GPR89B: variants seen among roughly 807,000 people sequenced by gnomAD.
The protein encoded by GPR89B is golgi pH regulator B.
Under a neutral mutation model 52.4 loss-of-function variants are expected in GPR89B, and 25 were observed. That is an observed-to-expected ratio of 0.48 (90% CI 0.35 to 0.67). The LOEUF (loss-of-function observed/expected upper bound fraction) is 0.67. GPR89B is among the 30% of genes least tolerant of loss of function. GPR89B has a pLI of 0.01. For synonymous variants in GPR89B, 52 were observed against 151.2 expected (o/e 0.34, Z 4.81); for missense variants, 146 against 450.2 (o/e 0.32, Z 6.11).
At chr1:147,977,363 C>CCTTTCTG (rs1331216715) in intron 10 of GPR89B, among the ~76,000 whole-genome samples, 2 of 150,348 alleles carry the variant, frequency 1.3e-5, no homozygotes, top group African/African-American at 4.9e-5. Context: ...GGTGACCTGT[C>CCTTTCTG]CTTTCTGGCT....
At chr1:147,978,093 G>A (rs1383830897) in intron 10 of GPR89B, among the ~76,000 whole-genome samples, 6 of 150,752 alleles carry the variant, frequency 4.0e-5, no homozygotes, top group South Asian at 2.1e-4. Context: ...AGTTGTCACC[G>A]TTTTTGTGTT....
intron 5 of GPR89B, among the ~76,000 whole-genome samples, chr1:147,951,963 T>C (rs1322342203): frequency 6.6e-6 from 1 of 152,064 alleles, no homozygotes; most frequent in African/African-American, 2.4e-5. Context: ...TTGGAAAATG[T>C]TGAATTTTGC....
chr1:147,978,329 T>C (rs1657990661), intron 10 of GPR89B, among the ~76,000 whole-genome samples: 2 of 151,946 alleles, frequency 1.3e-5, no homozygotes, highest in Non-Finnish European at 2.9e-5. Flanking sequence ...GTATTACCAG[T>C]GGAGGCTGCA....
intron 7 of GPR89B, among the ~76,000 whole-genome samples, chr1:147,966,265 A>G (rs1318682400): frequency 3.3e-5 from 5 of 152,046 alleles, no homozygotes; most frequent in African/African-American, 1.2e-4. Context: ...CTTCACAACC[A>G]TCCAGATATG....
intron 5 of GPR89B, among the ~76,000 whole-genome samples, chr1:147,945,418 A>G (rs1553249615): frequency 2.0e-5 from 3 of 151,778 alleles, no homozygotes; most frequent in Non-Finnish European, 4.4e-5. Context: ...CCTCCCACAC[A>G]CCCTTCCATG....
chr1:147,949,018 A>C (rs12405881), intron 5 of GPR89B, among the ~76,000 whole-genome samples: 3 of 152,220 alleles, frequency 2.0e-5, no homozygotes, highest in East Asian at 3.9e-4. Flanking sequence ...TTGCACCACC[A>C]TTAATCCATT....
At chr1:148,009,269 G>T in the GPR89B span, 1 of 1,476,246 alleles carries the variant, frequency 6.8e-7, no homozygotes, top group South Asian at 1.3e-5. Flanking sequence ...TCATTAACCA[G>T]TAGCATCTTT....
intron 5 of GPR89B, among the ~76,000 whole-genome samples, chr1:147,946,975 C>G (rs1655022647): frequency 6.6e-6 from 1 of 152,100 alleles, no homozygotes; most frequent in African/African-American, 2.4e-5. Flanking sequence ...CAGCCTTACA[C>G]TGCCTTCTTA....
intron 5 of GPR89B, among the ~76,000 whole-genome samples, chr1:147,949,928 A>AC (rs1331600468): frequency 4.6e-5 from 5 of 107,972 alleles, no homozygotes; most frequent in African/African-American, 1.3e-4. Flanking sequence ...CGGGGGGCTG[A>AC]CCCCCCCACC....
intron 10 of GPR89B, among the ~76,000 whole-genome samples, 157 bp from the exon 11 acceptor site, chr1:147,986,042 A>G (rs1290432420): frequency 4.6e-5 from 7 of 152,238 alleles, no homozygotes; most frequent in Admixed American, 4.6e-4. Context: ...TCCGAAATAG[A>G]TTTCCTATAT....
intron 7 of GPR89B, among the ~76,000 whole-genome samples, chr1:147,958,698 A>G (rs1486279615): frequency 3.9e-5 from 6 of 152,068 alleles, no homozygotes; most frequent in South Asian, 4.1e-4. Context: ...CTTTTAAGCC[A>G]TTTCATACTA....
intron 12 of GPR89B, among the ~76,000 whole-genome samples, chr1:147,990,865 C>T (rs1312055494): frequency 9.2e-5 from 14 of 151,446 alleles, no homozygotes; most frequent in African/African-American, 3.4e-4. Flanking sequence ...TGTAGTATAG[C>T]TTGAAGTCAG....
intron 12 of GPR89B, among the ~76,000 whole-genome samples, chr1:147,988,814 A>G (rs1658853542): frequency 6.6e-6 from 1 of 151,960 alleles, no homozygotes; most frequent in Non-Finnish European, 1.5e-5. Context: ...CAGTGAGCCA[A>G]GGTCACACAC....
chr1:147,937,384 C>T (rs587723125), intron 2 of GPR89B, among the ~76,000 whole-genome samples: 157 of 152,308 alleles, frequency 1.0e-3, no homozygotes, highest in Non-Finnish European at 1.7e-3. Flanking sequence ...CCACTGTGCA[C>T]ACATTGTCTT....
chr1:148,008,914 C>T, the GPR89B span, among the ~76,000 whole-genome samples: 2 of 152,078 alleles, frequency 1.3e-5, no homozygotes, highest in African/African-American at 4.8e-5. Flanking sequence ...ACTATCTGGG[C>T]ACTCAGATAA....
chr1:147,968,955 G>C lies in GPR89B; in HGVS notation c.808G>C (p.Ala270Pro). Residue 270 changes from alanine to proline, a missense_variant, in exon 9 of 14, where the codon GCT (alanine) becomes CCT (proline). Physicochemically the swap from Ala to Pro is conservative, Grantham distance 27. Coordinates refer to ENST00000314163, the MANE Select transcript of GPR89B (RefSeq NM_016334.5). ...TTTTCTGGAAACAGCTGATCTATAT[G>C]CTACCAAGGTACAGAGCAAGGAAAC... ...QLFLETADLY[A>P]TKERIEYSKT... is the part of the protein sequence containing the mutation. 6.2e-7 allele frequency: 1 copy of C among 1,605,530 alleles called. No individual in the cohort carries two copies. Among genetic ancestry groups the C allele is most frequent in the Non-Finnish European group, 8.5e-7 (1 of 1,174,198 alleles).
chr1:148,015,864 T>G, the GPR89B span, among the ~76,000 whole-genome samples: 1 of 151,578 alleles, frequency 6.6e-6, no homozygotes, highest in African/African-American at 2.4e-5. Context: ...CATTCCATTC[T>G]CTCTCCTCTG....
the GPR89B span, among the ~76,000 whole-genome samples, chr1:148,006,441 T>C: frequency 6.6e-6 from 1 of 152,070 alleles, no homozygotes; most frequent in Non-Finnish European, 1.5e-5. Context: ...CTTACAGAAA[T>C]GCTGTCAATT....
chr1:147,949,076 G>T (rs1441439278), intron 5 of GPR89B, among the ~76,000 whole-genome samples: 1 of 151,922 alleles, frequency 6.6e-6, no homozygotes, highest in Admixed American at 6.6e-5. Context: ...CAGGGTTGGG[G>T]GTAGGGTCAC....
Sources: gnomAD v4.1 joint callset for allele counts (sites outside exome capture counted in the v4.1 genomes callset) on GRCh38, gnomAD v4.1.1 for gene constraint, MANE v1.5 for transcripts, NCBI Gene and HGNC (gene_info 2026-07-23, HGNC 2026-07-21) for gene names.